The following AARS1 variants were observed in gnomAD, a reference collection of about 807,000 sequenced individuals.
AARS1 encodes the protein alanine--tRNA ligase, cytoplasmic.
Under a neutral mutation model 108.9 loss-of-function variants are expected in AARS1, and 72 were observed. The observed-to-expected ratio is 0.66, with a 90% CI of 0.55 to 0.80. The LOEUF (loss-of-function observed/expected upper bound fraction) is 0.80, where lower values mean the gene tolerates loss of function less well. Among genes scored for constraint, AARS1 ranks in the 30% least tolerant of loss-of-function variants. The pLI, the probability that AARS1 is intolerant of heterozygous loss-of-function variation, is 0.00. For missense variants in AARS1, 1,193 were observed against 1,233.2 expected (o/e 0.97, Z 0.49); for synonymous variants, 489 against 465.7 (o/e 1.05, Z -0.64).
At chr16:70,260,360 G>T (rs201911533) in intron 13 of AARS1, among the ~76,000 whole-genome samples, 1 of 152,120 alleles carries the variant, frequency 6.6e-6, no homozygotes. Flanking sequence ...CAGAGCCTCC[G>T]TATCAGCTTG....
Position 70,271,837 on chromosome 16 carries a change from G to C in AARS1, c.615C>G (p.Asn205Lys), listed in dbSNP as rs1180375496. 4 of 1,613,902 alleles carry C rather than the reference G, an allele frequency of 2.5e-6. No homozygotes were observed. The highest frequency in any genetic ancestry group is 3.4e-6 in the Non-Finnish European group (4 of 1,179,828). ...IGGRDAAHLV[N>K]QDDPNVLEIW... is the part of the protein sequence containing the mutation. ...TCTCCAGCACATTAGGGTCGTCCTGGTTGACAAGATGTGCGGCGTCCCGAC... is the reference window on the plus strand; with the variant it reads ...TCTCCAGCACATTAGGGTCGTCCTGCTTGACAAGATGTGCGGCGTCCCGAC... The change falls in exon 5 of 21, where the codon AAC becomes AAG. Residue 205 changes from asparagine (N) to lysine (K), a missense_variant. Coordinates refer to ENST00000261772, the MANE Select transcript of AARS1 (RefSeq NM_001605.3).
intron 1 of AARS1, 21 bp from the exon 2 acceptor site, chr16:70,282,805 G>A: frequency 6.2e-7 from 1 of 1,606,974 alleles, no homozygotes; most frequent in Non-Finnish European, 8.5e-7. Context: ...AAAAAAAAAT[G>A]AAGGAAAATT....
At chr16:70,258,733 T>C (rs1960058360) in intron 14 of AARS1, among the ~76,000 whole-genome samples, 1 of 152,164 alleles carries the variant, frequency 6.6e-6, no homozygotes, top group Non-Finnish European at 1.5e-5. Context: ...GCCCGGCTAA[T>C]TTTTTCTATT....
In AARS1 at chr16:70,253,303, C is replaced by T. The variant is rs1295851671; in HGVS notation, c.2686G>A (p.Ala896Thr). The T allele has an allele frequency of 8.7e-6, 14 of 1,614,070 alleles. No homozygotes were observed. The highest frequency in any genetic ancestry group is 1.6e-4 in the Middle Eastern group (1 of 6,084). Residue 896 changes from alanine to threonine, a missense_variant, in exon 20 of 21, where the codon GCT (alanine) becomes ACT (threonine). By Grantham distance (58) the Ala-to-Thr change is moderately conservative. Coordinates refer to ENST00000261772, the MANE Select transcript of AARS1 (RefSeq NM_001605.3). ...TGACACAGGCACGTGATCTTGCCAGCCTCATTGTCCACCGTGAAGAGCATG... is the reference window on the plus strand; with the variant it reads ...TGACACAGGCACGTGATCTTGCCAGTCTCATTGTCCACCGTGAAGAGCATG... ...SAMLFTVDNE[A>T]GKITCLCQVP...
At chr16:70,278,846 G>A (rs993710631) in intron 2 of AARS1, among the ~76,000 whole-genome samples, 7 of 152,066 alleles carry the variant, frequency 4.6e-5, no homozygotes, top group Non-Finnish European at 7.4e-5. Flanking sequence ...GAGGCAATAT[G>A]GCACAAAGGT....
At position 70,259,118 on chromosome 16, in the gene AARS1, C is replaced by T. The variant is rs2152154469; in HGVS notation, c.1854G>A (p.Val618=). 1 of 1,614,188 alleles carries T rather than the reference C, an allele frequency of 6.2e-7. No homozygotes were observed. Among genetic ancestry groups the T allele is most frequent in the Non-Finnish European group, 8.5e-7 (1 of 1,180,042 alleles). ...THILNFALRS[V]LGEADQKGSL... ...AGCCTTTCTGGTCAGCTTCCCCAAGCACTGAGCGCAGGGCGAAGTTCAGAA... is the reference window on the plus strand; with the variant it reads ...AGCCTTTCTGGTCAGCTTCCCCAAGTACTGAGCGCAGGGCGAAGTTCAGAA... The change falls in exon 14 of 21, where the codon GTG becomes GTA. Residue 618 remains valine (V), a synonymous_variant. Coordinates refer to ENST00000261772, the MANE Select transcript of AARS1 (RefSeq NM_001605.3).
intron 8 of AARS1, 111 bp from the exon 9 acceptor site, chr16:70,267,920 C>T (rs1048144698): frequency 1.0e-5 from 15 of 1,497,498 alleles, no homozygotes; most frequent in African/African-American, 2.8e-5. Context: ...GTAATCCTAC[C>T]ACTTTGGGAA....
intron 1 of AARS1, among the ~76,000 whole-genome samples, chr16:70,286,152 ACCC>A (rs1357610469): frequency 3.3e-5 from 5 of 152,026 alleles, no homozygotes; most frequent in African/African-American, 4.8e-5. Context: ...TCATTTGTTT[ACCC>A]CCATTTATTT....
In AARS1 at chr16:70,265,046, G is replaced by A. The variant is rs117598688; in HGVS notation, c.1404C>T (p.Tyr468=). 16,262 of 1,614,018 alleles carry A rather than the reference G, an allele frequency of 0.01. 129 individuals are homozygous for A. Among genetic ancestry groups the A allele is most frequent in the South Asian group, 0.023 (2,135 of 91,072 alleles). ...CCCGTGCCCGGAGCTCTTCGATAGC[G>A]TAAATGTCCAGCATAATGAGGTCTT... is the stretch of plus-strand genomic sequence containing the variant. The part of the protein sequence containing the change: ...GGEDLIMLDI[Y]AIEELRARGL... The change falls in exon 11 of 21, where the codon TAC becomes TAT. Residue 468 remains tyrosine (Y), a synonymous_variant. Coordinates refer to ENST00000261772, the MANE Select transcript of AARS1 (RefSeq NM_001605.3).
At position 70,277,678 on chromosome 16, in the gene AARS1, T is replaced by C. The variant is rs187513459; in HGVS notation, c.145-524A>G. ...TATCAGGTCATGCTTTGATGTATCA[T>C]TGTTATTTGTTAACTTTGTTTTATT... On this transcript the variant is annotated intron_variant, in intron 2 of 20. Coordinates refer to ENST00000261772, the MANE Select transcript of AARS1 (RefSeq NM_001605.3). 6.6e-5 allele frequency among the ~76,000 whole-genome samples: 10 copies of C among 152,296 alleles called. No individual in the cohort carries two copies. The East Asian group carries it at 1.5e-3, about 23-fold the overall frequency.
chr16:70,252,735 C>CG lies in AARS1; in HGVS notation c.2892_2893insC (p.Asp965ArgfsTer30). The CG allele has an allele frequency of 1.2e-6, 2 of 1,614,128 alleles. No individual in the cohort carries two copies. The highest frequency in any genetic ancestry group is 1.7e-6 in the Non-Finnish European group (2 of 1,180,038). On this transcript the variant is annotated frameshift_variant, in exon 21 of 21. Coordinates refer to ENST00000261772, the MANE Select transcript of AARS1 (RefSeq NM_001605.3). LOFTEE classifies it high-confidence loss of function. ...TCCTTCCCCACTCAGTTCTTTACAT[C>CG]CCCGAGGCGCAGCTGGGCGAAGGAA...
chr16:70,272,682 G>A (rs780424720), intron 4 of AARS1, among the ~76,000 whole-genome samples: 5 of 151,658 alleles, frequency 3.3e-5, no homozygotes, highest in South Asian at 2.1e-4. Flanking sequence ...TAATGAAAAC[G>A]CTGGCCACGC....
chr16:70,252,923 G>C lies in AARS1; in HGVS notation c.2722-17C>G, dbSNP rs1381757865. 1 of 1,613,616 alleles carries C rather than the reference G, an allele frequency of 6.2e-7. No homozygotes were observed. Among genetic ancestry groups the C allele is most frequent in the East Asian group, 2.2e-5 (1 of 44,888 alleles). On this transcript the variant is annotated splice_polypyrimidine_tract_variant and intron_variant, in intron 20 of 20. Coordinates refer to ENST00000261772, the MANE Select transcript of AARS1 (RefSeq NM_001605.3). ...GGCTGCATTCTAGAAGACAGGAAGG[G>C]AAGGGGGAGTCAGCACAGAAGATGG...
At position 70,271,961 on chromosome 16, in the gene AARS1, G is replaced by C. The variant is rs1273691912; in HGVS notation, c.491C>G (p.Thr164Ser). Residue 164 changes from threonine to serine, a missense_variant, in exon 5 of 21, where the codon ACC becomes AGC. Transcript: ENST00000261772. Reference sequence around the variant, plus strand: ...CTTCATGTTGCCTGGGAGGATTTTGGTGTCATCCAGCCTGACAAAGGAGTA... The same window carrying C: ...CTTCATGTTGCCTGGGAGGATTTTGCTGTCATCCAGCCTGACAAAGGAGTA... The part of the protein sequence containing the change: ...QIWQNLGLDD[T>S]KILPGNMKDN... 6.2e-7 allele frequency: 1 copy of C among 1,613,672 alleles called. No individual in the cohort carries two copies. The highest frequency in any genetic ancestry group is 1.1e-5 in the South Asian group (1 of 91,058).
chr16:70,274,797 T>C (rs1023706242), intron 4 of AARS1, among the ~76,000 whole-genome samples: 1 of 151,930 alleles, frequency 6.6e-6, no homozygotes, highest in African/African-American at 2.4e-5. Context: ...TACAGAACTA[T>C]GAACAAGGCC....
chr16:70,281,763 G>T (rs949923001), intron 2 of AARS1, among the ~76,000 whole-genome samples: 5 of 152,078 alleles, frequency 3.3e-5, no homozygotes, highest in Admixed American at 2.0e-4. Context: ...GACATAAGAG[G>T]ATCACTTAAG....
Position 70,252,826 on chromosome 16 carries a change from C to G in AARS1, c.2802G>C (p.Lys934Asn), listed in dbSNP as rs1959874715. 6.2e-7 allele frequency: 1 copy of G among 1,614,204 alleles called. No individual in the cohort carries two copies. Among genetic ancestry groups the G allele is most frequent in the East Asian group, 2.2e-5 (1 of 44,890 alleles). Residue 934 changes from lysine to asparagine, a missense_variant, in exon 21 of 21, where the codon AAG (lysine) becomes AAC (asparagine). Coordinates refer to ENST00000261772, the MANE Select transcript of AARS1 (RefSeq NM_001605.3). The part of the protein sequence containing the change: ...SGLMDGKGGG[K>N]DVSAQATGKN... Reference sequence around the variant, plus strand: ...TGCCTGTGGCCTGTGCAGACACATCCTTGCCACCACCTTTACCGTCCATCA... The same window carrying G: ...TGCCTGTGGCCTGTGCAGACACATCGTTGCCACCACCTTTACCGTCCATCA...
intron 4 of AARS1, among the ~76,000 whole-genome samples, chr16:70,274,309 C>A (rs1011133487): frequency 6.6e-6 from 1 of 151,578 alleles, no homozygotes; most frequent in Non-Finnish European, 1.5e-5. Flanking sequence ...CCATCACACT[C>A]CAGCCTGGGC....
chr16:70,258,527 C>T (rs1050092017), intron 14 of AARS1, among the ~76,000 whole-genome samples: 38 of 152,308 alleles, frequency 2.5e-4, no homozygotes, highest in Non-Finnish European at 5.0e-4. Context: ...ACCACCACTG[C>T]CCCCGGCAAA....
Sources: allele counts gnomAD v4.1 joint callset (sites outside exome capture counted in the v4.1 genomes callset), GRCh38; gene constraint gnomAD v4.1.1; transcripts MANE v1.5; gene names NCBI Gene and HGNC (gene_info 2026-07-23, HGNC 2026-07-21).